Variants in ROPN1L observed in about 807,000 individuals in gnomAD.
ROPN1L encodes rhophilin associated tail protein 1 like.
A neutral mutation model predicts 22.7 loss-of-function variants in ROPN1L; 23 were observed. The observed-to-expected ratio is 1.01, with a 90% CI of 0.73 to 1.43. The LOEUF (loss-of-function observed/expected upper bound fraction) is 1.43. ROPN1L is among the 40% of genes most tolerant of loss of function. ROPN1L has a pLI of 0.00. For synonymous variants in ROPN1L, 116 were observed against 117.8 expected (o/e 0.98, Z 0.10); for missense variants, 271 against 291.5 (o/e 0.93, Z 0.51).
chr5:10,455,099 AC>A (rs1315313716), intron 3 of ROPN1L, among the ~76,000 whole-genome samples: 1 of 152,184 alleles, frequency 6.6e-6, no homozygotes, highest in South Asian at 2.1e-4. Flanking sequence ...CCTCCTCCTG[AC>A]AACACACACT....
chr5:10,449,840 A>T, intron 2 of ROPN1L, 112 bp from the exon 3 acceptor site: 2 of 846,004 alleles, frequency 2.4e-6, no homozygotes, highest in Non-Finnish European at 3.6e-6. Flanking sequence ...TTTGGAGTTC[A>T]TCTGTCCCCT....
At chr5:10,442,405 T>A in intron 1 of ROPN1L, 107 bp downstream of exon 1, 2 of 1,430,694 alleles carry the variant, frequency 1.4e-6, no homozygotes, top group Non-Finnish European at 1.9e-6. Flanking sequence ...TCAGCGTCCT[T>A]AAGAGTATCA....
At chr5:10,450,934 G>A (rs1177206610) in intron 3 of ROPN1L, among the ~76,000 whole-genome samples, 1 of 152,220 alleles carries the variant, frequency 6.6e-6, no homozygotes, top group Non-Finnish European at 1.5e-5. Context: ...GGGCGAGAAG[G>A]GAGAGGTTGG....
chr5:10,463,223 A>G (rs7733299), intron 4 of ROPN1L, among the ~76,000 whole-genome samples: 96,937 of 152,210 alleles, frequency 0.64, 34,266 homozygotes, highest in Non-Finnish European at 0.81. Context: ...CACCTGTAAC[A>G]TTTTTAAACA....
intron 3 of ROPN1L, among the ~76,000 whole-genome samples, chr5:10,458,434 C>T (rs1050660766): frequency 1.4e-5 from 2 of 147,702 alleles, no homozygotes; most frequent in African/African-American, 5.0e-5. Context: ...GTATACCATC[C>T]CCCCGTGTAT....
chr5:10,446,938 A>G (rs1413843539), intron 1 of ROPN1L, among the ~76,000 whole-genome samples: 1 of 152,234 alleles, frequency 6.6e-6, no homozygotes, highest in African/African-American at 2.4e-5. Flanking sequence ...GCTGCCTTCA[A>G]ATCATTAACA....
intron 3 of ROPN1L, among the ~76,000 whole-genome samples, chr5:10,455,469 C>T (rs1394048267): frequency 6.6e-6 from 1 of 152,218 alleles, no homozygotes; most frequent in Non-Finnish European, 1.5e-5. Flanking sequence ...CTCCCCTGGC[C>T]CCAGCTCCAG....
intron 4 of ROPN1L, among the ~76,000 whole-genome samples, chr5:10,470,630 T>A (rs930939150): frequency 3.9e-5 from 6 of 152,252 alleles, no homozygotes; most frequent in Non-Finnish European, 8.8e-5. Context: ...GATCCCACGC[T>A]TTCCTGTGCT....
intron 2 of ROPN1L, among the ~76,000 whole-genome samples, chr5:10,448,715 G>C (rs756566148): frequency 6.6e-6 from 1 of 152,196 alleles, no homozygotes; most frequent in Admixed American, 6.5e-5. Context: ...AACCTGGGGG[G>C]TTTCCAGTCC....
chr5:10,469,769 G>C (rs1272597632), downstream of ROPN1L, among the ~76,000 whole-genome samples: 2 of 152,194 alleles, frequency 1.3e-5, no homozygotes, highest in African/African-American at 2.4e-5. Flanking sequence ...AGAAAGTGGA[G>C]TATATTTCTT....
chr5:10,460,579 G>T (rs1028719829), intron 3 of ROPN1L, among the ~76,000 whole-genome samples: 7 of 152,260 alleles, frequency 4.6e-5, no homozygotes, highest in Non-Finnish European at 1.0e-4. Flanking sequence ...AGAGTGTGAG[G>T]GAGATGAACG....
At position 10,460,968 on chromosome 5, in the gene ROPN1L, T is replaced by A. The variant is rs138893036; in HGVS notation, c.418-216T>A. 2.0e-5 allele frequency among the ~76,000 whole-genome samples: 3 copies of A among 152,352 alleles called. No homozygotes were observed. The East Asian group carries it at 5.8e-4, about 29-fold the overall frequency. ...GAAAATAAGATCTGTGAATTAGAATTTTTTCCTGGTCAATTGCACCCCATT... is the reference window on the plus strand; with the variant it reads ...GAAAATAAGATCTGTGAATTAGAATATTTTCCTGGTCAATTGCACCCCATT... On this transcript the variant is annotated intron_variant, in intron 3 of 4. Coordinates refer to ENST00000274134, the MANE Select transcript of ROPN1L (RefSeq NM_031916.5).
At chr5:10,460,987 C>T (rs1223382724) in intron 3 of ROPN1L, among the ~76,000 whole-genome samples, 197 bp from the exon 4 acceptor site, 1 of 152,196 alleles carries the variant, frequency 6.6e-6, no homozygotes, top group East Asian at 1.9e-4. Flanking sequence ...GTCAATTGCA[C>T]CCCATTCGAA....
At chr5:10,467,075 C>G (rs12153452), downstream of ROPN1L, among the ~76,000 whole-genome samples, 14,242 of 152,144 alleles carry the variant, frequency 0.094, 874 homozygotes, top group Non-Finnish European at 0.14. Flanking sequence ...CAAATACAAT[C>G]ACAGTCTGAG....
chr5:10,463,468 T>C (rs1345334159), intron 4 of ROPN1L, among the ~76,000 whole-genome samples: 2 of 152,076 alleles, frequency 1.3e-5, no homozygotes, highest in African/African-American at 4.8e-5. Flanking sequence ...TAAGCCTGGT[T>C]AACAGCAAGA....
At chr5:10,445,444 G>GA (rs1295974360) in intron 1 of ROPN1L, among the ~76,000 whole-genome samples, 1 of 152,192 alleles carries the variant, frequency 6.6e-6, no homozygotes, top group Non-Finnish European at 1.5e-5. Context: ...GAAGGGTCAC[G>GA]AAAGTTAAGC....
At chr5:10,468,750 A>G (rs963218250), downstream of ROPN1L, among the ~76,000 whole-genome samples, 4 of 152,226 alleles carry the variant, frequency 2.6e-5, no homozygotes, top group East Asian at 7.7e-4. Flanking sequence ...AACGGGATTG[A>G]TAGGGGCTCC....
At chr5:10,476,529 G>C (rs1735319956), downstream of ROPN1L, among the ~76,000 whole-genome samples, 1 of 152,208 alleles carries the variant, frequency 6.6e-6, no homozygotes. Context: ...TCTGGGATTT[G>C]AGAAGTCTGA....
chr5:10,475,149 A>C (rs1735302157), downstream of ROPN1L, among the ~76,000 whole-genome samples: 1 of 152,092 alleles, frequency 6.6e-6, no homozygotes, highest in Non-Finnish European at 1.5e-5. Context: ...TGCCATCTAG[A>C]TGGCAGACTT....
Sources: gnomAD v4.1 joint callset for allele counts (sites outside exome capture counted in the v4.1 genomes callset) on GRCh38, gnomAD v4.1.1 for gene constraint, MANE v1.5 for transcripts, NCBI Gene and HGNC (gene_info 2026-07-23, HGNC 2026-07-21) for gene names.